The following SCLT1 variants were observed in gnomAD, a reference collection of about 807,000 sequenced individuals.
SCLT1 encodes the protein sodium channel-associated protein 1.
In SCLT1, 78 loss-of-function variants were observed where a neutral mutation model predicts 112.8. The observed-to-expected ratio is 0.69, with a 90% CI of 0.58 to 0.83. SCLT1 has a LOEUF of 0.83. Ranked by LOEUF, SCLT1 falls within the 40% of genes least tolerant of loss-of-function variation. SCLT1 has a pLI of 0.00. For missense variants in SCLT1, 747 were observed against 770.4 expected (o/e 0.97, Z 0.36); for synonymous variants, 257 against 254.7 (o/e 1.01, Z -0.09).
intron 5 of SCLT1, among the ~76,000 whole-genome samples, chr4:129,024,649 C>T (rs1395720031): frequency 6.6e-6 from 1 of 152,220 alleles, no homozygotes; most frequent in South Asian, 2.1e-4. Flanking sequence ...CGACTCTCCT[C>T]CTCCAAAGGA....
At position 129,036,356 on chromosome 4, in the gene SCLT1, T is replaced by C. The variant is rs142289935; in HGVS notation, c.290+2685A>G. Among the ~76,000 whole-genome samples the C allele has an allele frequency of 5.5e-3, 833 of 152,144 alleles. 22 individuals are homozygous for C. Among genetic ancestry groups the C allele is most frequent in the East Asian group, 0.01 (52 of 5,178 alleles). On this transcript the variant is annotated intron_variant, in intron 5 of 20. Transcript: ENST00000281142. ...GAAAGGAATAATATAAAGTCCAATA[T>C]AGGAAACAATTAAATGATTATCTCA... is the stretch of plus-strand genomic sequence containing the variant.
At chr4:128,916,575 T>C (rs1735490553) in intron 18 of SCLT1, among the ~76,000 whole-genome samples, 1 of 152,182 alleles carries the variant, frequency 6.6e-6, no homozygotes, top group Non-Finnish European at 1.5e-5. Flanking sequence ...CAGGACATCC[T>C]CAGCACAGGC....
chr4:128,985,106 T>G (rs1004949486), intron 9 of SCLT1, among the ~76,000 whole-genome samples: 4 of 152,160 alleles, frequency 2.6e-5, no homozygotes, highest in African/African-American at 9.6e-5. Context: ...ATTTTACTGT[T>G]CATTCCCTTA....
Position 129,017,696 on chromosome 4 carries a change from G to T in SCLT1, c.291-13820C>A, listed in dbSNP as rs189226512. Among the ~76,000 whole-genome samples, 764 of 152,006 alleles carry T rather than the reference G, an allele frequency of 5.0e-3. 6 individuals carry two copies. Among genetic ancestry groups the T allele is most frequent in the African/African-American group, 0.017 (718 of 41,486 alleles). On this transcript the variant is annotated intron_variant, in intron 5 of 20. Coordinates refer to ENST00000281142, the MANE Select transcript of SCLT1 (RefSeq NM_144643.4). ...GCAAGTCAAAATGTAAGAGCCAAAG[G>T]AAAATAAAAAAGAGAAAGTACTATT...
At chr4:128,911,101 T>TAA (rs1239664214) in intron 18 of SCLT1, among the ~76,000 whole-genome samples, 2 of 151,900 alleles carry the variant, frequency 1.3e-5, no homozygotes, top group Non-Finnish European at 2.9e-5. Context: ...CCATCTCTAG[T>TAA]AAAAATACAA....
intron 1 of SCLT1, among the ~76,000 whole-genome samples, chr4:129,092,293 C>A (rs1030278653): frequency 2.0e-5 from 3 of 152,142 alleles, no homozygotes; most frequent in Admixed American, 2.0e-4. Context: ...ATCAATATTA[C>A]ACTCAAACCA....
At chr4:129,083,356 C>A (rs1183275333) in intron 1 of SCLT1, among the ~76,000 whole-genome samples, 3 of 149,642 alleles carry the variant, frequency 2.0e-5, no homozygotes, top group African/African-American at 7.4e-5. Context: ...GTTGATTATT[C>A]ACTGGTAAAA....
intron 8 of SCLT1, among the ~76,000 whole-genome samples, chr4:128,993,703 T>C (rs1742770170): frequency 6.6e-6 from 1 of 152,046 alleles, no homozygotes; most frequent in African/African-American, 2.4e-5. Context: ...TTTAGCACCT[T>C]TTTCACTGAT....
chr4:128,924,164 A>G (rs1447131345), intron 18 of SCLT1, among the ~76,000 whole-genome samples: 1 of 152,100 alleles, frequency 6.6e-6, no homozygotes, highest in African/African-American at 2.4e-5. Flanking sequence ...AAAAAAAATC[A>G]AGTACTTTGT....
At chr4:128,966,403 A>G (rs1740194849) in intron 10 of SCLT1, among the ~76,000 whole-genome samples, 2 of 152,320 alleles carry the variant, frequency 1.3e-5, no homozygotes, top group South Asian at 4.1e-4. Flanking sequence ...AATAGTTCAG[A>G]GAAAACACTG....
intron 2 of SCLT1, among the ~76,000 whole-genome samples, chr4:129,052,013 A>C (rs566947363): frequency 6.6e-6 from 1 of 152,150 alleles, no homozygotes; most frequent in Admixed American, 6.5e-5. Flanking sequence ...GCTTCTGTTT[A>C]TGTGATGGAT....
At chr4:128,979,433 G>A (rs1253425451) in intron 9 of SCLT1, among the ~76,000 whole-genome samples, 4 of 152,118 alleles carry the variant, frequency 2.6e-5, no homozygotes, top group Admixed American at 6.5e-5. Flanking sequence ...CTTTTACTTC[G>A]TGAAGACAAA....
chr4:128,983,407 C>T (rs1197998451), intron 9 of SCLT1, among the ~76,000 whole-genome samples: 1 of 151,956 alleles, frequency 6.6e-6, no homozygotes, highest in East Asian at 1.9e-4. Flanking sequence ...CAGTATAAAT[C>T]TCAGTTTAAA....
At position 129,077,326 on chromosome 4, in the gene SCLT1, A is replaced by G. The variant is rs1384653917; in HGVS notation, c.102+4980T>C. On this transcript the variant is annotated intron_variant, in intron 2 of 20. Coordinates refer to ENST00000281142, the MANE Select transcript of SCLT1 (RefSeq NM_144643.4). ...TTTTCCAATATCATAAAAAGACTGA[A>G]TAAAGTATGTTCATTTAACACAACT... 2.0e-5 allele frequency among the ~76,000 whole-genome samples: 3 copies of G among 152,166 alleles called. No homozygotes were observed. The East Asian group carries it at 5.8e-4, about 29-fold the overall frequency.
At chr4:128,992,073 C>CA (rs1028893068) in intron 9 of SCLT1, 94 bp downstream of exon 9, 34 of 736,732 alleles carry the variant, frequency 4.6e-5, no homozygotes, top group South Asian at 4.0e-4. Flanking sequence ...AAAAGGAAGG[C>CA]AAAAAAACAC....
chr4:128,959,743 T>G lies in SCLT1; in HGVS notation c.904A>C (p.Arg302=). Residue 302 remains arginine (R), a synonymous_variant, in exon 12 of 21, where the codon AGA becomes CGA. Transcript: ENST00000281142. ...CVTIQEANQL[R]TENTHLEKQT... is the part of the protein sequence containing the mutation. ...TTTTCCAGATGTGTATTTTCGGTTC[T>G]TAATTGGTTGGCTTCTTGGATTGTC... is the stretch of plus-strand genomic sequence containing the variant. The G allele has an allele frequency of 6.2e-7, 1 of 1,613,610 alleles. No homozygotes were observed. Among genetic ancestry groups the G allele is most frequent in the Non-Finnish European group, 8.5e-7 (1 of 1,179,732 alleles).
At position 128,874,821 on chromosome 4, in the gene SCLT1, T is replaced by TAA. The variant is rs1412565988; in HGVS notation, n.356-357_356-356dup. ...GTATTATGTCAAAATGTAGGCTAGTTAAACTTTTGTAAAGTTGCCTGGAAT... is the reference window on the plus strand; with the variant it reads ...GTATTATGTCAAAATGTAGGCTAGTTAAAAACTTTTGTAAAGTTGCCTGGAAT... On this transcript the variant is annotated intron_variant and non_coding_transcript_variant, in intron 4 of 7. Coordinates refer to the SCLT1 transcript ENST00000503565. The TAA allele has an allele frequency of 3.9e-5, 6 of 152,758 alleles. No individual in the cohort carries two copies. In the East Asian group the frequency reaches 9.6e-4, roughly 25 times the overall value. The allele number at this position is 152,758 out of a possible 1,614,324, so 9.5% of individuals were successfully genotyped here. A position where few individuals can be genotyped will look rare whatever the true frequency, so the allele number is the denominator to read the frequency against.
intron 2 of SCLT1, among the ~76,000 whole-genome samples, chr4:129,052,180 A>G (rs970658389): frequency 1.3e-5 from 2 of 152,042 alleles, no homozygotes; most frequent in Non-Finnish European, 2.9e-5. Context: ...ATGGACTGAA[A>G]TTTTCTTTTT....
chr4:129,000,181 A>C (rs1743353484), intron 6 of SCLT1, among the ~76,000 whole-genome samples: 2 of 151,984 alleles, frequency 1.3e-5, no homozygotes, highest in Admixed American at 1.3e-4. Context: ...ATAAATTTTC[A>C]TTGTGGAAAA....
Sources: allele counts gnomAD v4.1 joint callset (sites outside exome capture counted in the v4.1 genomes callset), GRCh38; gene constraint gnomAD v4.1.1; transcripts MANE v1.5; gene names NCBI Gene and HGNC (gene_info 2026-07-23, HGNC 2026-07-21).